The following C16orf78 variants were observed in gnomAD, a reference collection of about 807,000 sequenced individuals.
C16orf78 encodes the protein uncharacterized protein C16orf78.
A neutral mutation model predicts 27.3 loss-of-function variants in C16orf78; 19 were observed. The ratio of observed to expected loss-of-function variants is 0.70; its 90% CI spans 0.49 to 1.02. The LOEUF (loss-of-function observed/expected upper bound fraction) is 1.02. C16orf78 is among the 50% of genes least tolerant of loss of function. The pLI is 0.00. For synonymous variants in C16orf78, 130 were observed against 116.1 expected, an observed-to-expected ratio of 1.12 and a Z score of -0.77; for missense variants, 339 against 337.0, an observed-to-expected ratio of 1.01 and a Z score of -0.05.
Position 49,374,093 on chromosome 16 carries a change from G to T in C16orf78, c.150+4G>T. The T allele has an allele frequency of 6.2e-7, 1 of 1,613,788 alleles. No individual in the cohort carries two copies. Among genetic ancestry groups the T allele is most frequent in the Non-Finnish European group, 8.5e-7 (1 of 1,179,870 alleles). On this transcript the variant is annotated splice_donor_region_variant and intron_variant, in intron 1 of 4. Transcript: ENST00000299191. ...GAAGAAGAAACAAGCTCCCGAGGTGGGTACCATCCAAGAGAAATGGCAGGA... is the reference window on the plus strand; with the variant it reads ...GAAGAAGAAACAAGCTCCCGAGGTGTGTACCATCCAAGAGAAATGGCAGGA...
intron 3 of C16orf78, among the ~76,000 whole-genome samples, chr16:49,388,535 A>C (rs1181573945): frequency 6.6e-6 from 1 of 152,152 alleles, no homozygotes; most frequent in Non-Finnish European, 1.5e-5. Context: ...TTCCTAACAC[A>C]AGGTCTCACT....
intron 3 of C16orf78, among the ~76,000 whole-genome samples, chr16:49,381,061 T>C (rs1271151180): frequency 1.3e-5 from 2 of 151,904 alleles, no homozygotes; most frequent in African/African-American, 4.8e-5. Context: ...TGAAGTCAGG[T>C]AGTGTGATGC....
chr16:49,398,324 C>A (rs1233298413), intron 4 of C16orf78, among the ~76,000 whole-genome samples: 1 of 152,162 alleles, frequency 6.6e-6, no homozygotes, highest in Non-Finnish European at 1.5e-5. Context: ...GGGCCTACAC[C>A]CTATACTAAA....
chr16:49,377,645 C>T (rs766401484), intron 1 of C16orf78, 86 bp from the exon 2 acceptor site: 219 of 1,512,914 alleles, frequency 1.4e-4, no homozygotes, highest in Non-Finnish European at 1.8e-4. Flanking sequence ...GACAGCCCCT[C>T]ACCTGGGAGC....
At chr16:49,387,381 T>C (rs1245635732) in intron 3 of C16orf78, among the ~76,000 whole-genome samples, 11 of 152,220 alleles carry the variant, frequency 7.2e-5, no homozygotes, top group African/African-American at 2.7e-4. Flanking sequence ...TTTGAAATTT[T>C]TTTCTTCTAT....
intron 3 of C16orf78, among the ~76,000 whole-genome samples, chr16:49,390,919 G>A (rs927439983): frequency 2.0e-5 from 3 of 152,156 alleles, no homozygotes; most frequent in African/African-American, 7.2e-5. Context: ...CAATCATGGG[G>A]CTCCTCTCAT....
At chr16:49,382,284 G>C (rs1175733855) in intron 3 of C16orf78, among the ~76,000 whole-genome samples, 2 of 152,074 alleles carry the variant, frequency 1.3e-5, no homozygotes, top group Non-Finnish European at 2.9e-5. Flanking sequence ...GGAGTGGAGA[G>C]GGATAGCATT....
At chr16:49,386,142 C>T (rs1265417396) in intron 3 of C16orf78, among the ~76,000 whole-genome samples, 3 of 152,148 alleles carry the variant, frequency 2.0e-5, no homozygotes, top group Non-Finnish European at 4.4e-5. Flanking sequence ...GGGATTGATT[C>T]ATCAAGAAGA....
intron 3 of C16orf78, among the ~76,000 whole-genome samples, chr16:49,392,383 C>A (rs564055914): frequency 7.9e-5 from 12 of 152,004 alleles, no homozygotes; most frequent in Non-Finnish European, 1.8e-4. Context: ...AGACTAGAAG[C>A]AACATATTAG....
rs1305577013 is a variant in C16orf78 at position 49,375,400 on chromosome 16, G to A, written c.150+1311G>A. On this transcript the variant is annotated intron_variant, in intron 1 of 4. Coordinates refer to ENST00000299191, the MANE Select transcript of C16orf78 (RefSeq NM_144602.4). ...AAGAAGCATAGGAGATTCCACTTCT[G>A]GGGAGGTCTCAGGAAGCTTACAATC... Among the ~76,000 whole-genome samples the A allele has an allele frequency of 2.0e-5, 3 of 152,158 alleles. No individual in the cohort carries two copies. In the East Asian group the frequency reaches 5.8e-4, roughly 29 times the overall value.
chr16:49,394,216 T>C (rs1189724341), intron 3 of C16orf78, among the ~76,000 whole-genome samples: 1 of 152,156 alleles, frequency 6.6e-6, no homozygotes, highest in African/African-American at 2.4e-5. Flanking sequence ...TTTAAAAAGC[T>C]ATTAAATTAA....
intron 3 of C16orf78, among the ~76,000 whole-genome samples, chr16:49,381,670 T>C (rs1965289080): frequency 1.3e-5 from 2 of 150,706 alleles, no homozygotes; most frequent in African/African-American, 4.9e-5. Flanking sequence ...AAAATGCTCA[T>C]CATCACTGGC....
intron 4 of C16orf78, among the ~76,000 whole-genome samples, chr16:49,398,748 C>A (rs1275752943): frequency 6.6e-6 from 1 of 152,170 alleles, no homozygotes; most frequent in Non-Finnish European, 1.5e-5. Flanking sequence ...TTGACCAATT[C>A]TCTGTTGGTG....
At chr16:49,394,479 C>CA (rs11384900) in intron 3 of C16orf78, among the ~76,000 whole-genome samples, 45,026 of 149,126 alleles carry the variant, frequency 0.3, 9,534 homozygotes, top group African/African-American at 0.61. Context: ...CAGTTGATGG[C>CA]AAAAAAAAAG....
chr16:49,390,120 T>C (rs180800337), intron 3 of C16orf78, among the ~76,000 whole-genome samples: 1 of 152,330 alleles, frequency 6.6e-6, no homozygotes, highest in East Asian at 1.9e-4. Context: ...GCTGGCTCTC[T>C]TCCTAATTTT....
At chr16:49,388,039 A>G (rs1444031321) in intron 3 of C16orf78, among the ~76,000 whole-genome samples, 1 of 152,084 alleles carries the variant, frequency 6.6e-6, no homozygotes, top group Non-Finnish European at 1.5e-5. Flanking sequence ...AATCCCAGCA[A>G]TTTGGGAGGC....
At chr16:49,375,308 AC>A (rs1965200582) in intron 1 of C16orf78, among the ~76,000 whole-genome samples, 1 of 152,056 alleles carries the variant, frequency 6.6e-6, no homozygotes, top group African/African-American at 2.4e-5. Flanking sequence ...ACAAAGAAAT[AC>A]CTGAGACTGG....
At chr16:49,380,113 G>C (rs368987155) in intron 3 of C16orf78, among the ~76,000 whole-genome samples, 2 of 152,190 alleles carry the variant, frequency 1.3e-5, no homozygotes, top group African/African-American at 4.8e-5. Context: ...CTCTATATCA[G>C]TGGTTTGCCA....
At chr16:49,384,518 A>AG (rs1965324740) in intron 3 of C16orf78, among the ~76,000 whole-genome samples, 1 of 152,138 alleles carries the variant, frequency 6.6e-6, no homozygotes, top group Non-Finnish European at 1.5e-5. Context: ...GTAAAAAAAA[A>AG]AGGAATGAAA....
Sources: gnomAD v4.1 joint callset for allele counts (sites outside exome capture counted in the v4.1 genomes callset) on GRCh38, gnomAD v4.1.1 for gene constraint, MANE v1.5 for transcripts, NCBI Gene and HGNC (gene_info 2026-07-23, HGNC 2026-07-21) for gene names.